Variants in CNOT4 observed in about 807,000 individuals in gnomAD.
The protein encoded by CNOT4 is CCR4-associated factor 4.
A neutral mutation model predicts 73.8 loss-of-function variants in CNOT4; 8 were observed. That is an observed-to-expected ratio of 0.11 (90% CI 0.06 to 0.20). The LOEUF is 0.20. Ranked by LOEUF, CNOT4 falls within the 10% of genes least tolerant of loss-of-function variation. CNOT4 has a pLI of 1.00. For synonymous variants in CNOT4, 293 were observed against 321.1 expected (o/e 0.91, Z 0.94); for missense variants, 564 against 883.4 (o/e 0.64, Z 4.58).
intron 7 of CNOT4, among the ~76,000 whole-genome samples, chr7:135,402,184 A>T (rs940259694): frequency 3.4e-5 from 5 of 148,820 alleles, no homozygotes; most frequent in Non-Finnish European, 7.4e-5. Flanking sequence ...ATCTTGGCTC[A>T]CTGCAACCTC....
rs187207760 is a variant in CNOT4, at chr7:135,506,533, T to C, written c.-93+3356A>G. On this transcript the variant is annotated intron_variant, in intron 1 of 11. Transcript: ENST00000541284. ...CTAAGTTTAAACATATTTAATTGAGTACTATTTGCAGTCACATTAGAAAAT... is the reference window on the plus strand; with the variant it reads ...CTAAGTTTAAACATATTTAATTGAGCACTATTTGCAGTCACATTAGAAAAT... 9.4e-4 allele frequency among the ~76,000 whole-genome samples: 143 copies of C among 152,254 alleles called. 1 individual carries two copies. The highest frequency in any genetic ancestry group is 3.7e-3 in the Admixed American group (56 of 15,284).
chr7:135,447,387 G>A lies in CNOT4; in HGVS notation c.-92-8964C>T, dbSNP rs1046573237. 2.6e-5 allele frequency among the ~76,000 whole-genome samples: 4 copies of A among 152,266 alleles called. No homozygotes were observed. In the East Asian group the frequency reaches 5.8e-4, roughly 22 times the overall value. On this transcript the variant is annotated intron_variant, in intron 1 of 11. Transcript: ENST00000541284. ...TTCATATACTATAGAACTCAGGACT[G>A]TATTACCTTTAGGAAGCTGAAAAGC...
rs10085725 is a variant in CNOT4, at chr7:135,479,590, T to C, written c.-93+30299A>G. 2.4e-3 allele frequency among the ~76,000 whole-genome samples: 369 copies of C among 152,004 alleles called. 2 individuals are homozygous for C. The highest frequency in any genetic ancestry group is 8.4e-3 in the African/African-American group (347 of 41,458). The stretch of plus-strand genomic sequence containing the variant: ...TATAATTTGTATTTTTTTAAAGAAT[T>C]TGACTCAAAAAAAAGAAAGAAAAAT... On this transcript the variant is annotated intron_variant, in intron 1 of 11. Coordinates refer to ENST00000541284, the MANE Select transcript of CNOT4 (RefSeq NM_001190850.2).
chr7:135,401,714 A>G (rs1410888168), intron 7 of CNOT4, among the ~76,000 whole-genome samples: 1 of 152,206 alleles, frequency 6.6e-6, no homozygotes, highest in Non-Finnish European at 1.5e-5. Flanking sequence ...AGAAAAGCAG[A>G]TAATATAAAC....
chr7:135,363,352 G>T lies in CNOT4; in HGVS notation c.1841-166C>A, dbSNP rs747869217. On this transcript the variant is annotated intron_variant, in intron 11 of 11. Coordinates refer to ENST00000541284, the MANE Select transcript of CNOT4 (RefSeq NM_001190850.2). The surrounding 1 kb of genome is among the most constrained non-coding windows in gnomAD (Gnocchi z 4.3). ...AAACCAATCCTCCCCCAACAACAAAGAACTTATTGGCACACAAACCCATGC... is the reference window on the plus strand; with the variant it reads ...AAACCAATCCTCCCCCAACAACAAATAACTTATTGGCACACAAACCCATGC... 1.8e-4 allele frequency among the ~76,000 whole-genome samples: 28 copies of T among 152,092 alleles called. No individual in the cohort carries two copies. The highest frequency in any genetic ancestry group is 1.6e-3 in the Admixed American group (25 of 15,262).
chr7:135,464,363 A>G (rs1801091997), intron 1 of CNOT4, among the ~76,000 whole-genome samples: 1 of 152,214 alleles, frequency 6.6e-6, no homozygotes, highest in South Asian at 2.1e-4. Flanking sequence ...TAAAAAAAGA[A>G]CAAGATCATG....
intron 1 of CNOT4, among the ~76,000 whole-genome samples, chr7:135,499,138 G>A: frequency 6.6e-6 from 1 of 152,086 alleles, no homozygotes; most frequent in East Asian, 1.9e-4. Context: ...TCTCTTTCCA[G>A]TTTCCCCTGC....
At chr7:135,378,788 C>A (rs554032115) in intron 10 of CNOT4, among the ~76,000 whole-genome samples, 1 of 152,014 alleles carries the variant, frequency 6.6e-6, no homozygotes, top group Non-Finnish European at 1.5e-5. Flanking sequence ...GAGTTTCAGA[C>A]CAGCCTGGGC....
intron 6 of CNOT4, 25 bp downstream of exon 6, chr7:135,413,463 T>C (rs747336235): frequency 1.6e-5 from 26 of 1,605,418 alleles, no homozygotes; most frequent in Middle Eastern, 1.7e-4. Context: ...TTCTGCAAAG[T>C]TGATAATTCA....
intron 1 of CNOT4, among the ~76,000 whole-genome samples, chr7:135,451,754 G>A (rs918533038): frequency 6.6e-5 from 10 of 152,190 alleles, no homozygotes; most frequent in African/African-American, 2.4e-4. Context: ...CCTTATCTAT[G>A]TGTTTTTGCA....
intron 1 of CNOT4, chr7:135,444,988 C>G: frequency 3.6e-6 from 3 of 826,562 alleles, no homozygotes; most frequent in Non-Finnish European, 2.0e-6. Flanking sequence ...CTCTGCTTGT[C>G]ATGCCATTAA....
At chr7:135,372,804 C>G (rs1355545484) in intron 10 of CNOT4, among the ~76,000 whole-genome samples, 1 of 152,170 alleles carries the variant, frequency 6.6e-6, no homozygotes, top group Non-Finnish European at 1.5e-5. Flanking sequence ...ATCCACCAGC[C>G]TCAGCCTCCC....
chr7:135,480,312 T>G (rs1002880769), intron 1 of CNOT4, among the ~76,000 whole-genome samples: 1 of 152,228 alleles, frequency 6.6e-6, no homozygotes, highest in Admixed American at 6.5e-5. Flanking sequence ...TCTCCTCCAT[T>G]CTCTAAATCC....
chr7:135,458,560 G>T (rs1800688024), intron 1 of CNOT4, among the ~76,000 whole-genome samples: 1 of 152,064 alleles, frequency 6.6e-6, no homozygotes, highest in African/African-American at 2.4e-5. Context: ...TTTCAAAATT[G>T]GAGGCAATCC....
chr7:135,405,223 T>C (rs1237751359), intron 7 of CNOT4, among the ~76,000 whole-genome samples: 1 of 152,172 alleles, frequency 6.6e-6, no homozygotes, highest in Admixed American at 6.5e-5. Flanking sequence ...CTACTGAGGA[T>C]ATTAAATGAA....
At chr7:135,461,818 C>T (rs956339276) in intron 1 of CNOT4, among the ~76,000 whole-genome samples, 16 of 151,790 alleles carry the variant, frequency 1.1e-4, no homozygotes, top group African/African-American at 3.4e-4. Context: ...GGCGACAGAG[C>T]GAGATCCCGT....
At chr7:135,422,443 G>A in intron 2 of CNOT4, 90 bp from the exon 3 acceptor site, 1 of 679,224 alleles carries the variant, frequency 1.5e-6, no homozygotes, top group South Asian at 1.9e-5. Context: ...GTGGGTATGT[G>A]GTTATCTGTT....
chr7:135,477,208 T>G (rs1802051240), intron 1 of CNOT4, among the ~76,000 whole-genome samples: 1 of 152,018 alleles, frequency 6.6e-6, no homozygotes, highest in South Asian at 2.1e-4. Context: ...CCAGGCATGG[T>G]GGCACATGCC....
chr7:135,487,231 T>C (rs904760779), intron 1 of CNOT4, among the ~76,000 whole-genome samples: 5 of 151,868 alleles, frequency 3.3e-5, no homozygotes, highest in African/African-American at 1.2e-4. Context: ...TGCTTTTATA[T>C]GATTTTCTTT....
Sources: allele counts gnomAD v4.1 joint callset (sites outside exome capture counted in the v4.1 genomes callset), GRCh38; gene constraint gnomAD v4.1.1; non-coding constraint Gnocchi (gnomAD v3.1); transcripts MANE v1.5; gene names NCBI Gene and HGNC (gene_info 2026-07-23, HGNC 2026-07-21).